The following ZAP70 variants were observed in gnomAD, a reference collection of about 807,000 sequenced individuals.
The protein encoded by ZAP70 is tyrosine-protein kinase ZAP-70.
Under a neutral mutation model 65.8 loss-of-function variants are expected in ZAP70, and 27 were observed. That is an observed-to-expected ratio of 0.41 (90% confidence interval 0.30 to 0.57). ZAP70 has a LOEUF of 0.57. Ranked by LOEUF, ZAP70 falls within the 20% of genes least tolerant of loss-of-function variation. The pLI is 0.28. For missense variants in ZAP70, 696 were observed against 870.5 expected (o/e 0.80, Z 2.52); for synonymous variants, 363 against 360.8 (o/e 1.01, Z -0.07).
At position 97,725,238 on chromosome 2, in the gene ZAP70, C is replaced by G; in HGVS notation, c.549C>G (p.Thr183=). The part of the protein sequence containing the change: ...AERKLYSGAQ[T]DGKFLLRPRK... ...GCAAACTTTACTCTGGGGCGCAGACCGACGGCAAGTTCCTGTATGTGGGGC... is the reference window on the plus strand; with the variant it reads ...GCAAACTTTACTCTGGGGCGCAGACGGACGGCAAGTTCCTGTATGTGGGGC... Residue 183 remains threonine (T), a synonymous_variant, in exon 4 of 14, where the codon ACC becomes ACG. Coordinates refer to ENST00000264972, the MANE Select transcript of ZAP70 (RefSeq NM_001079.4). The G allele has an allele frequency of 6.2e-7, 1 of 1,613,426 alleles. No homozygotes were observed. The highest frequency in any genetic ancestry group is 8.5e-7 in the Non-Finnish European group (1 of 1,179,428).
chr2:97,749,100 C>T, the ZAP70 span, among the ~76,000 whole-genome samples: 2 of 151,208 alleles, frequency 1.3e-5, no homozygotes, highest in Non-Finnish European at 2.9e-5. Flanking sequence ...AGCTCCGCCT[C>T]CCGGGTTCAC....
intron 4 of ZAP70, among the ~76,000 whole-genome samples, chr2:97,732,133 C>T (rs1036034325): frequency 1.3e-5 from 2 of 152,170 alleles, no homozygotes; most frequent in Non-Finnish European, 2.9e-5. Context: ...AATGCACCAC[C>T]TTTGAGGGGC....
intron 4 of ZAP70, among the ~76,000 whole-genome samples, chr2:97,729,777 T>C (rs974362793): frequency 1.3e-5 from 2 of 151,986 alleles, no homozygotes; most frequent in African/African-American, 2.4e-5. Flanking sequence ...ATATATGTGG[T>C]GATAACACCA....
At chr2:97,724,628 C>T (rs1677304805) in intron 3 of ZAP70, 190 bp downstream of exon 3, 3 of 1,532,646 alleles carry the variant, frequency 2.0e-6, no homozygotes, top group East Asian at 2.5e-5. Flanking sequence ...TCCGTGGTGG[C>T]GGTCGCCTTC....
chr2:97,719,959 T>G (rs1677097572), intron 2 of ZAP70, among the ~76,000 whole-genome samples: 1 of 152,198 alleles, frequency 6.6e-6, no homozygotes, highest in African/African-American at 2.4e-5. Flanking sequence ...GAACCTGGTT[T>G]CTTTCATCCA....
chr2:97,733,732 GCACACATGTGCC>G (rs1677720854), intron 8 of ZAP70, 137 bp downstream of exon 8: 1 of 1,012,200 alleles, frequency 9.9e-7, no homozygotes, highest in Admixed American at 1.8e-5. Context: ...TAACACCTGT[GCACACATGTGCC>G]CACACCCATC....
In ZAP70 at chr2:97,737,430, G is replaced by T; in HGVS notation, c.1290-43G>T. 1 of 1,608,138 alleles carries T rather than the reference G, an allele frequency of 6.2e-7. No homozygotes were observed. The highest frequency in any genetic ancestry group is 8.5e-7 in the Non-Finnish European group (1 of 1,174,818). On this transcript the variant is annotated intron_variant, in intron 10 of 13. Coordinates refer to ENST00000264972, the MANE Select transcript of ZAP70 (RefSeq NM_001079.4). The surrounding 1 kb of genome is among the most constrained non-coding windows in gnomAD (Gnocchi z 5.0). ...AGCATGCTTTGCCCCTGGGAACTTG[G>T]CTAGTCTTCTCCCAGCTGACCCCGC...
intron 2 of ZAP70, among the ~76,000 whole-genome samples, chr2:97,720,666 T>A (rs1051554299): frequency 2.6e-5 from 4 of 152,206 alleles, no homozygotes; most frequent in African/African-American, 9.7e-5. Flanking sequence ...CATGACTTTT[T>A]AAAAACACTC....
the ZAP70 span, among the ~76,000 whole-genome samples, chr2:97,748,755 C>T: frequency 6.6e-6 from 1 of 152,204 alleles, no homozygotes; most frequent in African/African-American, 2.4e-5. Flanking sequence ...CCCGCCACCT[C>T]TAAAAGACAC....
the ZAP70 span, among the ~76,000 whole-genome samples, chr2:97,753,654 C>T: frequency 6.6e-6 from 1 of 152,194 alleles, no homozygotes; most frequent in South Asian, 2.1e-4. Context: ...AAAGATTATA[C>T]CTTTGTTTAT....
In ZAP70 at chr2:97,732,867, T is replaced by A. The variant is rs777652627; in HGVS notation, c.564-16T>A. 1 of 1,613,666 alleles carries A rather than the reference T, an allele frequency of 6.2e-7. No individual in the cohort carries two copies. Among genetic ancestry groups the A allele is most frequent in the Non-Finnish European group, 8.5e-7 (1 of 1,179,964 alleles). ...AGGTGGCTCTAGGGGTTACATCCCC[T>A]CCCTTCCCCTGCCAGGCTGAGGCCG... is the stretch of plus-strand genomic sequence containing the variant. On this transcript the variant is annotated splice_polypyrimidine_tract_variant and intron_variant, in intron 4 of 13. Coordinates refer to ENST00000264972, the MANE Select transcript of ZAP70 (RefSeq NM_001079.4).
the ZAP70 span, among the ~76,000 whole-genome samples, chr2:97,747,815 G>GTTTTTTTTTTTTT: frequency 1.8e-4 from 10 of 54,792 alleles, no homozygotes; most frequent in Non-Finnish European, 2.6e-4. Flanking sequence ...CTGGCACGAG[G>GTTTTTTTTTTTTT]TTTTTTTTTT....
At chr2:97,717,345 G>GGACATGCGGAGCCTCTGGCTGGAGA in intron 2 of ZAP70, among the ~76,000 whole-genome samples, 1 of 148,524 alleles carries the variant, frequency 6.7e-6, no homozygotes, top group South Asian at 2.2e-4. Flanking sequence ...CTGGCTGGGG[G>GGACATGCGGAGCCTCTGGCTGGAGA]GACATGCGGA....
intron 2 of ZAP70, among the ~76,000 whole-genome samples, chr2:97,717,584 G>A (rs764657303): frequency 6.6e-6 from 1 of 152,210 alleles, no homozygotes; most frequent in Non-Finnish European, 1.5e-5. Context: ...CCTCTGCTCT[G>A]ACGATGGGCA....
intron 1 of ZAP70, 65 bp from the exon 2 acceptor site, chr2:97,713,851 C>T (rs1328869024): frequency 1.3e-5 from 2 of 152,560 alleles, no homozygotes; most frequent in African/African-American, 2.4e-5. Flanking sequence ...GCCTCCCTCT[C>T]AGGCTGGGGG....
the ZAP70 span, among the ~76,000 whole-genome samples, chr2:97,749,041 G>C: frequency 7.6e-6 from 1 of 131,044 alleles, no homozygotes; most frequent in African/African-American, 3.0e-5. Context: ...ACGGAGTCTC[G>C]CTCTGTCGCC....
chr2:97,735,997 A>T (rs1377264167), intron 10 of ZAP70, among the ~76,000 whole-genome samples: 1 of 152,022 alleles, frequency 6.6e-6, no homozygotes, highest in African/African-American at 2.4e-5. Context: ...ACAGAGCGAA[A>T]CTCCATCTCA....
At chr2:97,732,853 G>T (rs1042945542) in intron 4 of ZAP70, 30 bp from the exon 5 acceptor site, 1 of 1,613,330 alleles carries the variant, frequency 6.2e-7, no homozygotes, top group South Asian at 1.1e-5. Context: ...GGTGGCTCTA[G>T]GGGTTACATC....
In ZAP70 at chr2:97,734,528, A is replaced by G. The variant is rs1677760162; in HGVS notation, c.898A>G (p.Thr300Ala). Residue 300 changes from threonine to alanine, a missense_variant, in exon 9 of 14, where the codon ACG becomes GCG. By Grantham distance (58) the Thr-to-Ala change is moderately conservative. Around this residue, in one of 3 missense-constraint regions of ZAP70, gnomAD observed 551 missense variants for 630.0 expected, o/e 0.87. Coordinates refer to ENST00000264972, the MANE Select transcript of ZAP70 (RefSeq NM_001079.4). ...DGYTPEPARI[T>A]SPDKPRPMPM... ...CCGCTGTGTGTGCCCAGCACGCATA[A>G]CGTCCCCAGACAAACCGCGGCCGAT... The G allele has an allele frequency of 6.2e-7, 1 of 1,613,792 alleles. No individual in the cohort carries two copies. The highest frequency in any genetic ancestry group is 1.1e-5 in the South Asian group (1 of 91,068).
Sources: allele counts gnomAD v4.1 joint callset (sites outside exome capture counted in the v4.1 genomes callset), GRCh38; gene constraint gnomAD v4.1.1; regional missense constraint gnomAD v4.1.1; non-coding constraint Gnocchi (gnomAD v3.1); transcripts MANE v1.5; gene names NCBI Gene and HGNC (gene_info 2026-07-23, HGNC 2026-07-21).